Variants in FANCB observed in about 807,000 individuals in gnomAD.
FANCB encodes Fanconi anemia group B protein.
A neutral mutation model predicts 38.9 loss-of-function variants in FANCB; 5 were observed. That is an observed-to-expected ratio of 0.13 (90% CI 0.07 to 0.27). The LOEUF (loss-of-function observed/expected upper bound fraction) is 0.27, where lower values mean the gene tolerates loss of function less well. FANCB is among the 10% of genes least tolerant of loss of function. The pLI is 1.00. For synonymous variants in FANCB, 236 were observed against 215.4 expected (o/e 1.10, Z -0.84); for missense variants, 573 against 602.7 (o/e 0.95, Z 0.52).
At chrX:14,839,360 T>C (rs1028528310), downstream of FANCB, among the ~76,000 whole-genome samples, 4 of 111,060 alleles carry the variant, frequency 3.6e-5, no homozygotes, top group Non-Finnish European at 5.7e-5. Flanking sequence ...ACTGAAAGTC[T>C]GAATTCAGAT....
chrX:14,759,890 C>T, the FANCB span, among the ~76,000 whole-genome samples: 1 of 111,137 alleles, frequency 9.0e-6, no homozygotes, highest in Non-Finnish European at 1.9e-5. Context: ...TATAAATGGC[C>T]TCATATTCAG....
the FANCB span, among the ~76,000 whole-genome samples, chrX:14,814,004 G>C: frequency 5.4e-5 from 6 of 111,279 alleles, no homozygotes; most frequent in African/African-American, 2.0e-4. Context: ...CAGAACAGAA[G>C]CCTCAGAAAT....
At position 14,860,906 on chromosome X, in the gene FANCB, A is replaced by T. The variant is rs750563296; in HGVS notation, c.952-1572T>A. Among the ~76,000 whole-genome samples, 6 of 110,132 alleles carry T rather than the reference A, an allele frequency of 5.4e-5. No homozygotes were observed. In the South Asian group the frequency reaches 2.4e-3, roughly 43 times the overall value. On this transcript the variant is annotated intron_variant, in intron 3 of 9. Transcript: ENST00000650831. ...CAGATGGATTTTTTTTTTTTGAGACAGGGTCCCATTCCGTTGCCCTGGCTG... is the reference window on the plus strand; with the variant it reads ...CAGATGGATTTTTTTTTTTTGAGACTGGGTCCCATTCCGTTGCCCTGGCTG...
chrX:14,833,788 C>T (rs191740450), downstream of FANCB, among the ~76,000 whole-genome samples: 2 of 109,441 alleles, frequency 1.8e-5, no homozygotes, highest in African/African-American at 3.3e-5. Flanking sequence ...GGTGAAACCT[C>T]GTCTCTTAAA....
Position 14,843,472 on chromosome X carries a change from G to T in FANCB, c.*95C>A. On this transcript the variant is annotated 3_prime_UTR_variant, in exon 10 of 10. Transcript: ENST00000650831. Reference sequence around the variant, plus strand: ...AGTTTCTACTACAGTAAGCCTCGGTGTTTATTTTTACAAAGGAGGCATATA... The same window carrying T: ...AGTTTCTACTACAGTAAGCCTCGGTTTTTATTTTTACAAAGGAGGCATATA... 1.7e-6 allele frequency: 1 copy of T among 587,995 alleles called. No individual in the cohort carries two copies. The highest frequency in any genetic ancestry group is 2.7e-6 in the Non-Finnish European group (1 of 374,107). The allele number at this position is 587,995 out of a possible 1,213,427, so 48.5% of individuals were successfully genotyped here.
the FANCB span, among the ~76,000 whole-genome samples, chrX:14,763,952 G>T: frequency 8.9e-6 from 1 of 111,812 alleles, no homozygotes; most frequent in African/African-American, 3.3e-5. Context: ...TGCGAAGGGA[G>T]TAAGATTTAA....
chrX:14,859,051 C>G (rs2147428369), intron 4 of FANCB, 131 bp downstream of exon 4: 3 of 426,324 alleles, frequency 7.0e-6, no homozygotes, highest in East Asian at 7.7e-5. Flanking sequence ...AAGATTCAAT[C>G]TATATATTTT....
chrX:14,826,180 G>A, the FANCB span, among the ~76,000 whole-genome samples: 1 of 111,954 alleles, frequency 8.9e-6, no homozygotes, highest in South Asian at 3.7e-4. Flanking sequence ...ACAGAACTAT[G>A]AAAATATTCC....
rs746479455 is a variant in FANCB, at chrX:14,864,647, T to C, written c.864A>G (p.Gln288=). 7 of 1,209,331 alleles carry C rather than the reference T, an allele frequency of 5.8e-6. No homozygotes were observed. The South Asian group carries it at 1.2e-4, about 21-fold the overall frequency. ...QLPFGDPCAV[Q]LMDSGGGNLF... is the part of the protein sequence containing the mutation. Reference sequence around the variant, plus strand: ...GGTTTCCTCCACCTGAATCCATAAGTTGAACTGCACAAGGATCTCCAAATG... The same window carrying C: ...GGTTTCCTCCACCTGAATCCATAAGCTGAACTGCACAAGGATCTCCAAATG... Residue 288 remains glutamine (Q), a synonymous_variant, in exon 3 of 10, where the codon CAA becomes CAG. Coordinates refer to ENST00000650831, the MANE Select transcript of FANCB (RefSeq NM_001018113.3).
At position 14,865,489 on chromosome X, in the gene FANCB, A is replaced by G. The variant is rs758176689; in HGVS notation, c.22T>C (p.Ser8Pro). MTSKQAM[S>P]SNEQERLLCY... is the part of the protein sequence containing the mutation. ...AAGAGCCTTTCTTGTTCGTTAGATG[A>G]CATTGCTTGTTTGCTAGTCATTCCA... The change falls in exon 3 of 10, where the codon TCA (serine) becomes CCA (proline). Residue 8 changes from serine (S) to proline (P), a missense_variant. Coordinates refer to ENST00000650831, the MANE Select transcript of FANCB (RefSeq NM_001018113.3). 3.3e-6 allele frequency: 4 copies of G among 1,200,922 alleles called. No individual in the cohort carries two copies. Among genetic ancestry groups the G allele is most frequent in the Non-Finnish European group, 4.5e-6 (4 of 888,226 alleles).
At chrX:14,837,718 G>C (rs750980725) in intron 10 of FANCB, among the ~76,000 whole-genome samples, 1 of 112,373 alleles carries the variant, frequency 8.9e-6, no homozygotes, top group Non-Finnish European at 1.9e-5. Flanking sequence ...GTCAAGACAT[G>C]ATAGTGTTTT....
chrX:14,703,771 A>G, the FANCB span, among the ~76,000 whole-genome samples: 11,662 of 111,227 alleles, frequency 0.1, 902 homozygotes, highest in African/African-American at 0.26. Flanking sequence ...CCAAATACCA[A>G]GCTTCCTCAA....
the FANCB span, among the ~76,000 whole-genome samples, chrX:14,741,150 T>C: frequency 9.0e-6 from 1 of 111,262 alleles, no homozygotes; most frequent in Non-Finnish European, 1.9e-5. Flanking sequence ...GTTAATTGGG[T>C]GTATGGAAGG....
At chrX:14,804,362 T>C in the FANCB span, among the ~76,000 whole-genome samples, 3 of 111,890 alleles carry the variant, frequency 2.7e-5, no homozygotes, top group Non-Finnish European at 5.6e-5. Context: ...GAAACCATCA[T>C]TCTCAGCAAA....
chrX:14,762,123 C>T, the FANCB span, among the ~76,000 whole-genome samples: 1 of 111,011 alleles, frequency 9.0e-6, no homozygotes, highest in Admixed American at 9.6e-5. Flanking sequence ...AAGAGGGCAC[C>T]TTGTTGCTGC....
intron 3 of FANCB, among the ~76,000 whole-genome samples, chrX:14,863,548 A>C (rs774294825): frequency 5.3e-5 from 6 of 112,303 alleles, no homozygotes; most frequent in Non-Finnish European, 9.4e-5. Flanking sequence ...ACAAAACTCT[A>C]ATTTCCTATT....
chrX:14,811,760 C>A, the FANCB span, among the ~76,000 whole-genome samples: 1 of 111,119 alleles, frequency 9.0e-6, no homozygotes, highest in African/African-American at 3.3e-5. Flanking sequence ...ATCAACGAGA[C>A]AGAAAGTTAA....
chrX:14,714,343 C>A, the FANCB span, among the ~76,000 whole-genome samples: 2 of 111,246 alleles, frequency 1.8e-5, no homozygotes, highest in Non-Finnish European at 3.8e-5. Flanking sequence ...GCCATGTAGG[C>A]TGCTAAACAT....
chrX:14,799,783 ATGT>A, the FANCB span, among the ~76,000 whole-genome samples: 1 of 112,220 alleles, frequency 8.9e-6, no homozygotes, highest in African/African-American at 3.2e-5. Context: ...CAGACAGAAA[ATGT>A]TGTTGGACAC....
Sources: allele counts gnomAD v4.1 joint callset (sites outside exome capture counted in the v4.1 genomes callset), GRCh38; gene constraint gnomAD v4.1.1; transcripts MANE v1.5; gene names NCBI Gene and HGNC (gene_info 2026-07-23, HGNC 2026-07-21).